The following MATN2 variants were observed in gnomAD, a reference collection of about 807,000 sequenced individuals.
The protein encoded by MATN2 is matrilin 2.
In MATN2, 69 loss-of-function variants were observed where a neutral mutation model predicts 103.2. That is an observed-to-expected ratio of 0.67 (90% CI 0.55 to 0.82). MATN2 has a LOEUF of 0.82. MATN2 is among the 40% of genes least tolerant of loss of function. MATN2 has a pLI of 0.00. For synonymous variants in MATN2, 429 were observed against 450.2 expected (o/e 0.95, Z 0.60); for missense variants, 1,023 against 1,211.5 (o/e 0.84, Z 2.31).
intron 14 of MATN2, among the ~76,000 whole-genome samples, chr8:98,028,610 G>T (rs1813896262): frequency 6.6e-6 from 1 of 151,234 alleles, no homozygotes; most frequent in African/African-American, 2.4e-5. Flanking sequence ...TTTTTGAGAT[G>T]GAGGCTTGCT....
chr8:98,027,375 T>C, intron 13 of MATN2, 41 bp from the exon 14 acceptor site: 1 of 1,518,858 alleles, frequency 6.6e-7, no homozygotes, highest in African/African-American at 1.4e-5. Flanking sequence ...GCATAAATGA[T>C]TTTTTATTCA....
chr8:98,007,358 G>A lies in MATN2; in HGVS notation c.1451-121G>A. 6.5e-7 allele frequency: 1 copy of A among 1,548,726 alleles called. No homozygotes were observed. Among genetic ancestry groups the A allele is most frequent in the South Asian group, 1.2e-5 (1 of 83,650 alleles). ...TTGCTCTGCTCCAGGAGATAGTGAG[G>A]ATGTCCACTGGGACTGCATGCCTTC... On this transcript the variant is annotated intron_variant, in intron 9 of 18. Transcript: ENST00000254898. This position sits in a 1 kb window ranked among gnomAD's most constrained non-coding sequence, Gnocchi z 4.2.
At chr8:97,916,071 ATT>A (rs1170423492) in intron 2 of MATN2, among the ~76,000 whole-genome samples, 1 of 150,856 alleles carries the variant, frequency 6.6e-6, no homozygotes, top group Non-Finnish European at 1.5e-5. Flanking sequence ...ATTTTATTTT[ATT>A]TTATTTTATT....
At chr8:97,976,006 T>A (rs1445829114) in intron 5 of MATN2, among the ~76,000 whole-genome samples, 1 of 152,208 alleles carries the variant, frequency 6.6e-6, no homozygotes, top group East Asian at 1.9e-4. Context: ...GACGTTGAGA[T>A]CCTGAGATGA....
At chr8:97,945,721 T>A (rs867845994) in intron 4 of MATN2, among the ~76,000 whole-genome samples, 127 of 110,928 alleles carry the variant, frequency 1.1e-3, no homozygotes, top group East Asian at 0.011. Flanking sequence ...AAAAAAAATA[T>A]ATATATATAT....
chr8:97,913,369 C>CCT (rs1809514863), intron 2 of MATN2, among the ~76,000 whole-genome samples: 1 of 147,690 alleles, frequency 6.8e-6, no homozygotes, highest in Non-Finnish European at 1.5e-5. Context: ...GGTTGGAGTG[C>CCT]AGTGGCACGA....
chr8:97,930,829 C>T (rs1166853610), intron 2 of MATN2, 124 bp from the exon 3 acceptor site: 4 of 625,746 alleles, frequency 6.4e-6, no homozygotes, highest in Non-Finnish European at 8.3e-6. Context: ...ACAGTGTTGA[C>T]CAGGCTGGTC....
intron 6 of MATN2, among the ~76,000 whole-genome samples, chr8:97,992,958 T>TAATAATAAC (rs1199866765): frequency 6.6e-4 from 97 of 146,022 alleles, no homozygotes; most frequent in African/African-American, 2.4e-3. Flanking sequence ...ATAATAATAA[T>TAATAATAAC]AACAACAATA....
chr8:97,904,402 T>G (rs1387479733), intron 2 of MATN2, among the ~76,000 whole-genome samples: 1 of 152,232 alleles, frequency 6.6e-6, no homozygotes, highest in Non-Finnish European at 1.5e-5. Context: ...TTCATAATAC[T>G]GAGCTGTGTT....
chr8:98,021,930 A>G (rs1158346646), intron 13 of MATN2, among the ~76,000 whole-genome samples: 1 of 152,232 alleles, frequency 6.6e-6, no homozygotes. Flanking sequence ...GGAATTATAA[A>G]TGGATCAGTG....
At chr8:97,911,231 G>C (rs1809423695) in intron 2 of MATN2, among the ~76,000 whole-genome samples, 1 of 151,758 alleles carries the variant, frequency 6.6e-6, no homozygotes, top group Non-Finnish European at 1.5e-5. Flanking sequence ...GACCTCCAGT[G>C]ATCCGCCCGC....
intron 11 of MATN2, 106 bp downstream of exon 11, chr8:98,016,768 C>T: frequency 7.4e-7 from 1 of 1,354,284 alleles, no homozygotes; most frequent in Middle Eastern, 1.8e-4. Flanking sequence ...CAATGCCACA[C>T]AGCAAAATGT....
intron 7 of MATN2, among the ~76,000 whole-genome samples, chr8:97,997,693 A>C (rs1191257638): frequency 1.3e-5 from 2 of 152,180 alleles, no homozygotes; most frequent in Non-Finnish European, 2.9e-5. Flanking sequence ...ATAAATATTT[A>C]GTGAATGAAT....
intron 2 of MATN2, among the ~76,000 whole-genome samples, chr8:97,924,306 A>G (rs1013453183): frequency 6.6e-6 from 1 of 152,194 alleles, no homozygotes; most frequent in Admixed American, 6.5e-5. Context: ...CCTGGAAATC[A>G]TACTCTAGTT....
At chr8:97,999,380 T>C (rs757682359) in intron 7 of MATN2, among the ~76,000 whole-genome samples, 7 of 152,234 alleles carry the variant, frequency 4.6e-5, no homozygotes, top group Admixed American at 1.3e-4. Flanking sequence ...GCCATGCTGT[T>C]TTCCACAGTG....
rs1322785277 is a variant in MATN2 at position 98,005,016 on chromosome 8, A to AAC, written c.1327+1233_1327+1234insAC. Among the ~76,000 whole-genome samples, 2 of 152,236 alleles carry AAC rather than the reference A, an allele frequency of 1.3e-5. No homozygotes were observed. The highest frequency in any genetic ancestry group is 2.9e-5 in the Non-Finnish European group (2 of 68,034). On this transcript the variant is annotated intron_variant, in intron 8 of 18. Coordinates refer to ENST00000254898, the MANE Select transcript of MATN2 (RefSeq NM_002380.5). This position sits in a 1 kb window ranked among gnomAD's most constrained non-coding sequence, Gnocchi z 4.6. ...GGGCCCTTTATGTGCCTTTCCACTC[A>AAC]GCAAGCCCCACATCTGCTCCCTTTG...
chr8:97,894,922 G>A (rs1270233690), intron 2 of MATN2, among the ~76,000 whole-genome samples: 1 of 151,700 alleles, frequency 6.6e-6, no homozygotes, highest in African/African-American at 2.4e-5. Context: ...ACCCAGGCTG[G>A]AGTGCAGTGG....
intron 4 of MATN2, among the ~76,000 whole-genome samples, chr8:97,943,537 A>C (rs189907057): frequency 6.6e-6 from 1 of 151,824 alleles, no homozygotes. Flanking sequence ...GCAGTGGCAC[A>C]ATTATGGCTC....
chr8:98,027,910 AG>A, intron 14 of MATN2, 81 bp downstream of exon 14: 1 of 1,421,374 alleles, frequency 7.0e-7, no homozygotes, highest in Non-Finnish European at 9.4e-7. Flanking sequence ...GCTGGCCATA[AG>A]GGTAAGCTTC....
Sources: gnomAD v4.1 joint callset for allele counts (sites outside exome capture counted in the v4.1 genomes callset) on GRCh38, gnomAD v4.1.1 for gene constraint, Gnocchi (gnomAD v3.1) non-coding constraint, MANE v1.5 for transcripts, NCBI Gene and HGNC (gene_info 2026-07-23, HGNC 2026-07-21) for gene names.